The following ZAN variants were observed in gnomAD, a reference collection of about 807,000 sequenced individuals.
ZAN encodes zonadhesin.
ZAN carries 260 observed loss-of-function variants against 286.2 expected under a neutral mutation model. The observed-to-expected ratio is 0.91, with a 90% CI of 0.82 to 1.01. ZAN has a LOEUF of 1.01. ZAN is among the 50% of genes least tolerant of loss of function. The pLI, the probability that ZAN is intolerant of heterozygous loss-of-function variation, is 0.00. For synonymous variants in ZAN, 1,368 were observed against 1,417.5 expected (o/e 0.97, Z 0.79); for missense variants, 3,410 against 3,639.2 (o/e 0.94, Z 1.62).
intron 11 of ZAN, among the ~76,000 whole-genome samples, chr7:100,749,464 C>T (rs762486115): frequency 3.4e-4 from 51 of 150,718 alleles, no homozygotes; most frequent in Non-Finnish European, 4.0e-4. Context: ...CACGGTGAAA[C>T]CCCGTCCCTA....
In ZAN at chr7:100,784,783, T is replaced by G; in HGVS notation, c.6783T>G (p.Cys2261Trp). The G allele has an allele frequency of 6.2e-7, 1 of 1,613,024 alleles. No individual in the cohort carries two copies. Among genetic ancestry groups the G allele is most frequent in the Non-Finnish European group, 8.5e-7 (1 of 1,179,362 alleles). ...GCTATGTGCTGAGTGAAGACAAGTG[T>G]GTCCCCAGAAGTCAGTGTGGCTGCA... The part of the protein sequence containing the change: ...QPGYVLSEDK[C>W]VPRSQCGCKD... Residue 2261 changes from cysteine to tryptophan, a missense_variant, in exon 36 of 48, where the codon TGT becomes TGG. Physicochemically the swap from Cys to Trp is radical, Grantham distance 215. This residue lies in a region of ZAN where 1,289 missense variants were observed against 1,314.3 expected (regional missense o/e 0.98). Transcript: ENST00000613979.
At position 100,736,785 on chromosome 7, in the gene ZAN, T is replaced by C. The variant is rs748593228; in HGVS notation, c.254-24T>C. The C allele has an allele frequency of 3.4e-6, 5 of 1,460,392 alleles. No homozygotes were observed. In the African/African-American group the frequency reaches 4.3e-5, roughly 13 times the overall value. The allele number at this position is 1,460,392 out of a possible 1,614,324, so 90.5% of individuals were successfully genotyped here. ...GCCCTCAGAGGTGGCTGGGCCTCAG[T>C]GTCTTGGGCTCTGCCTCCCCCAGAG... On this transcript the variant is annotated intron_variant, in intron 4 of 47. Coordinates refer to ENST00000613979, the MANE Select transcript of ZAN (RefSeq NM_003386.3).
At chr7:100,776,292 TG>T in intron 33 of ZAN, 147 bp from the exon 34 acceptor site, 1 of 1,140,878 alleles carries the variant, frequency 8.8e-7, no homozygotes, top group Non-Finnish European at 1.1e-6. Flanking sequence ...CACTCCAGGC[TG>T]GGTGACAAGA....
At chr7:100,758,147 G>A in intron 15 of ZAN, 55 bp from the exon 16 acceptor site, 2 of 1,372,052 alleles carry the variant, frequency 1.5e-6, no homozygotes, top group Non-Finnish European at 1.9e-6. Flanking sequence ...AAAGGCAAAG[G>A]GAGAAGTACT....
At position 100,758,682 on chromosome 7, in the gene ZAN, G is replaced by A. The variant is rs371428283; in HGVS notation, c.3571+32G>A. ...CCTGGAGATGCCACTGCGGCCTGGG[G>A]GGAGGGTCTGTGGGCAGCGCTGCTA... On this transcript the variant is annotated intron_variant, in intron 17 of 47. Transcript: ENST00000613979. The A allele has an allele frequency of 7.3e-4, 1,127 of 1,547,252 alleles. 4 individuals are homozygous for A. The African/African-American group carries it at 0.013, about 18-fold the overall frequency.
In ZAN at chr7:100,767,288, T is replaced by C. The variant is rs780289668; in HGVS notation, c.4860+31T>C. The C allele has an allele frequency of 4.4e-6, 7 of 1,586,236 alleles. No homozygotes were observed. The Admixed American group carries it at 1.0e-4, about 23-fold the overall frequency. Reference sequence around the variant, plus strand: ...TGTCTTCCTCCTGCCTCCTGGACCCTGAACACCCAGCCTGCTTGCTTCTCT... The same window carrying C: ...TGTCTTCCTCCTGCCTCCTGGACCCCGAACACCCAGCCTGCTTGCTTCTCT... On this transcript the variant is annotated intron_variant, in intron 25 of 47. Transcript: ENST00000613979.
chr7:100,751,647 T>C, intron 13 of ZAN, 65 bp from the exon 14 acceptor site: 1 of 1,501,838 alleles, frequency 6.7e-7, no homozygotes, highest in Non-Finnish European at 8.9e-7. Context: ...TCCAGTTAGA[T>C]GGCAGTAAAG....
chr7:100,793,167 A>AGCAGCTT (rs1812114722), intron 42 of ZAN, among the ~76,000 whole-genome samples: 2 of 151,342 alleles, frequency 1.3e-5, no homozygotes, highest in Non-Finnish European at 3.0e-5. Flanking sequence ...GTGAGACCCC[A>AGCAGCTT]TCTCTATAAA....
chr7:100,776,564 G>A lies in ZAN; in HGVS notation c.6317G>A (p.Ser2106Asn). 4 of 1,552,442 alleles carry A rather than the reference G, an allele frequency of 2.6e-6. No individual in the cohort carries two copies. Among genetic ancestry groups the A allele is most frequent in the African/African-American group, 1.4e-5 (1 of 73,186 alleles). Residue 2106 changes from serine to asparagine, a missense_variant and splice_region_variant, in exon 34 of 48, where the codon AGT becomes AAT. Around this residue, in one of 7 missense-constraint regions of ZAN, gnomAD observed 1,289 missense variants for 1,314.3 expected, o/e 0.98. Coordinates refer to ENST00000613979, the MANE Select transcript of ZAN (RefSeq NM_003386.3). ...NSWKDKDIDPSCQSLLVDEQQ... is the reference protein window; with the variant it reads ...NSWKDKDIDPNCQSLLVDEQQ... ...TGGAAAGATAAGGACATTGACCCAA[G>A]GTAGTGGTCCCCTAAGACCCTCTAG...
Position 100,773,372 on chromosome 7 carries a change from GC to G in ZAN, c.5517del (p.Ala1841HisfsTer16). On this transcript the variant is annotated frameshift_variant, in exon 30 of 48. Coordinates refer to ENST00000613979, the MANE Select transcript of ZAN (RefSeq NM_003386.3). LOFTEE classifies it high-confidence loss of function. ...TCSSINNPRD[C>X]PKALPCAESC... ...AGCAGCATAAACAACCCGAGGGACT[GC>G]CCCAAAGCACTGCCCTGTGCTGAGA... The G allele has an allele frequency of 6.2e-7, 1 of 1,613,990 alleles. No individual in the cohort carries two copies. The highest frequency in any genetic ancestry group is 8.5e-7 in the Non-Finnish European group (1 of 1,179,886).
At chr7:100,774,409 GC>G (rs1402925604) in intron 31 of ZAN, among the ~76,000 whole-genome samples, 3 of 152,010 alleles carry the variant, frequency 2.0e-5, no homozygotes, top group African/African-American at 7.2e-5. Context: ...GGTGGCTCAT[GC>G]CTGTAATCCC....
At chr7:100,788,401 A>G (rs1335757302) in intron 38 of ZAN, among the ~76,000 whole-genome samples, 1 of 151,968 alleles carries the variant, frequency 6.6e-6, no homozygotes, top group Non-Finnish European at 1.5e-5. Context: ...AAAAATTTAA[A>G]ATGAGCTGGA....
intron 7 of ZAN, among the ~76,000 whole-genome samples, chr7:100,740,289 A>ATTT (rs569136745): frequency 0.017 from 2,207 of 129,188 alleles, 267 homozygotes; most frequent in Middle Eastern, 0.033. Flanking sequence ...GATCTGACTT[A>ATTT]TTTATTTTTT....
chr7:100,739,549 T>C (rs567944055), intron 7 of ZAN, among the ~76,000 whole-genome samples: 2 of 135,856 alleles, frequency 1.5e-5, no homozygotes, highest in South Asian at 4.7e-4. Flanking sequence ...TCCCAGCGCT[T>C]TGGGAAGCTG....
Position 100,785,910 on chromosome 7 carries a change from C to T in ZAN, c.6835-87C>T, listed in dbSNP as rs765867564. The T allele has an allele frequency of 3.6e-5, 53 of 1,484,576 alleles. 1 individual carries two copies. Among genetic ancestry groups the T allele is most frequent in the East Asian group, 9.9e-5 (4 of 40,430 alleles). 92.0% of individuals were successfully genotyped at this position (1,484,576 alleles called of 1,614,324 possible). On this transcript the variant is annotated intron_variant, in intron 36 of 47. Coordinates refer to ENST00000613979, the MANE Select transcript of ZAN (RefSeq NM_003386.3). ...CTGACCTCAGGTGATCCACCCGTCT[C>T]GGCCTCCCAAAGTGTTGGGATTACA...
At chr7:100,790,544 G>C (rs1227954319) in intron 39 of ZAN, among the ~76,000 whole-genome samples, 2 of 128,568 alleles carry the variant, frequency 1.6e-5, no homozygotes, top group African/African-American at 3.0e-5. Flanking sequence ...CCTGGGCAAC[G>C]GAGCGAGACT....
At position 100,756,656 on chromosome 7, in the gene ZAN, A is replaced by C. The variant is rs114652787; in HGVS notation, c.3309+1246A>C. On this transcript the variant is annotated intron_variant, in intron 15 of 47. Coordinates refer to ENST00000613979, the MANE Select transcript of ZAN (RefSeq NM_003386.3). ...AGATCTGTCACAACCATTGGCACCA[A>C]GAAGCTCTTCCCTCTGCCCTAGGAG... 4.5e-3 allele frequency among the ~76,000 whole-genome samples: 677 copies of C among 151,384 alleles called. 7 individuals are homozygous for C. The highest frequency in any genetic ancestry group is 0.015 in the African/African-American group (623 of 41,242).
chr7:100,766,266 C>T (rs920923393), intron 23 of ZAN, among the ~76,000 whole-genome samples: 6 of 152,054 alleles, frequency 3.9e-5, no homozygotes, highest in Middle Eastern at 3.2e-3. Context: ...GGATCACAGG[C>T]GTGAGCCGCC....
chr7:100,776,249 C>T (rs186828727), intron 33 of ZAN, among the ~76,000 whole-genome samples, 191 bp from the exon 34 acceptor site: 9 of 137,538 alleles, frequency 6.5e-5, no homozygotes, highest in Non-Finnish European at 1.2e-4. Context: ...ACCTGGGAGG[C>T]GGATAGTGAA....
Sources: allele counts gnomAD v4.1 joint callset (sites outside exome capture counted in the v4.1 genomes callset), GRCh38; gene constraint gnomAD v4.1.1; regional missense constraint gnomAD v4.1.1; transcripts MANE v1.5; gene names NCBI Gene and HGNC (gene_info 2026-07-23, HGNC 2026-07-21).